The following RCOR1 variants were observed in gnomAD, a reference collection of about 807,000 sequenced individuals.
RCOR1 encodes the protein REST corepressor 1.
A neutral mutation model predicts 64.0 loss-of-function variants in RCOR1; 12 were observed. The observed-to-expected ratio is 0.19, with a 90% CI of 0.12 to 0.30. The LOEUF (loss-of-function observed/expected upper bound fraction) is 0.30. Ranked by LOEUF, RCOR1 falls within the 10% of genes least tolerant of loss-of-function variation. RCOR1 has a pLI of 1.00. For missense variants in RCOR1, 502 were observed against 621.2 expected (o/e 0.81, Z 2.04); for synonymous variants, 279 against 227.2 (o/e 1.23, Z -2.05).
intron 2 of RCOR1, chr14:102,662,648 C>T: frequency 2.2e-6 from 1 of 448,682 alleles, no homozygotes; most frequent in Non-Finnish European, 4.2e-6. Flanking sequence ...GCCTTCACAG[C>T]CTTTGCTTTG....
At chr14:102,655,291 C>A in intron 2 of RCOR1, 1 of 985,032 alleles carries the variant, frequency 1.0e-6, no homozygotes, top group African/African-American at 1.7e-5. Context: ...TTATTTTCTA[C>A]AAGGATTCTG....
chr14:102,606,277 G>A (rs778841216), intron 2 of RCOR1, among the ~76,000 whole-genome samples: 10 of 152,084 alleles, frequency 6.6e-5, no homozygotes, highest in Admixed American at 5.2e-4. Context: ...GGCCAGGCTG[G>A]TCTTGAACTC....
chr14:102,645,915 T>G (rs1457501585), intron 2 of RCOR1, among the ~76,000 whole-genome samples: 5 of 152,210 alleles, frequency 3.3e-5, no homozygotes, highest in Admixed American at 1.3e-4. Context: ...TTGTGCTGCT[T>G]CTTCAGGGCA....
chr14:102,642,481 A>G (rs1894388955), intron 2 of RCOR1, among the ~76,000 whole-genome samples: 1 of 152,142 alleles, frequency 6.6e-6, no homozygotes, highest in Admixed American at 6.6e-5. Context: ...AGGAAGAGAT[A>G]CTCTTTATAA....
At chr14:102,726,327 C>T in intron 11 of RCOR1, 141 bp from the exon 12 acceptor site, 1 of 742,574 alleles carries the variant, frequency 1.3e-6, no homozygotes. Context: ...CCTGTCTCCC[C>T]TCCAAAAAAA....
At chr14:102,603,222 A>C (rs1038077901) in intron 2 of RCOR1, among the ~76,000 whole-genome samples, 6 of 152,016 alleles carry the variant, frequency 3.9e-5, no homozygotes, top group Admixed American at 6.6e-5. Context: ...TTTGGACTAC[A>C]GTTGTTCACC....
chr14:102,710,528 A>G lies in RCOR1; in HGVS notation c.780-407A>G, dbSNP rs1324862383. 4.6e-5 allele frequency among the ~76,000 whole-genome samples: 7 copies of G among 152,316 alleles called. No individual in the cohort carries two copies. In the East Asian group the frequency reaches 9.6e-4, roughly 21 times the overall value. ...TTTACTGTTAGCAGGTTTATTCCCA[A>G]TGCAGTGGAAATTTATTCTCCCATA... On this transcript the variant is annotated intron_variant, in intron 6 of 11. Coordinates refer to ENST00000262241, the MANE Select transcript of RCOR1 (RefSeq NM_015156.4).
intron 3 of RCOR1, among the ~76,000 whole-genome samples, chr14:102,691,591 TAAAA>T (rs1895534017): frequency 6.6e-6 from 1 of 152,236 alleles, no homozygotes; most frequent in Admixed American, 6.5e-5. Context: ...AACTTGTGAT[TAAAA>T]TGAGTCTTTT....
At chr14:102,714,391 A>G in intron 7 of RCOR1, 32 bp from the exon 8 acceptor site, 1 of 1,442,182 alleles carries the variant, frequency 6.9e-7, no homozygotes, top group South Asian at 1.4e-5. Context: ...ACTTTTTTTA[A>G]GTTTCATTCA....
In RCOR1 at chr14:102,678,073, C is replaced by T. The variant is rs1390051835; in HGVS notation, c.362-3822C>T. Among the ~76,000 whole-genome samples the T allele has an allele frequency of 7.2e-3, 1,050 of 145,630 alleles. 4 individuals carry two copies. The highest frequency in any genetic ancestry group is 0.025 in the African/African-American group (972 of 38,930). ...CGAAAACCAGTCAGGCGTGGCGGCG[C>T]GCGCCTGCAATCGCAGGCACTCGGC... On this transcript the variant is annotated intron_variant, in intron 2 of 11. Transcript: ENST00000262241.
intron 8 of RCOR1, among the ~76,000 whole-genome samples, chr14:102,718,777 C>G (rs150953766): frequency 6.6e-6 from 1 of 151,658 alleles, no homozygotes; most frequent in African/African-American, 2.4e-5. Context: ...AGATGTTTGG[C>G]GGGGGGAAGG....
intron 2 of RCOR1, among the ~76,000 whole-genome samples, chr14:102,635,691 A>C (rs890179108): frequency 2.0e-5 from 3 of 152,046 alleles, no homozygotes; most frequent in African/African-American, 7.3e-5. Flanking sequence ...ATTACAACTA[A>C]TCTGCATGGA....
chr14:102,620,197 C>G (rs1893845896), intron 2 of RCOR1, among the ~76,000 whole-genome samples: 1 of 151,944 alleles, frequency 6.6e-6, no homozygotes, highest in African/African-American at 2.4e-5. Context: ...TGAGACCAGC[C>G]TGGGCAAAAT....
rs971624616 is a variant in RCOR1 at position 102,593,012 on chromosome 14, C to A, written c.126C>A (p.Ala42=). The change falls in exon 1 of 12, where the codon GCC becomes GCA. Residue 42 remains alanine (A), a synonymous_variant. Transcript: ENST00000262241. ...AAASAACASP[A]ATAASGAAAS... is the part of the protein sequence containing the mutation. ...CCTCGGCCGCCTGCGCCTCGCCAGC[C>A]GCCACTGCCGCCTCGGGCGCCGCCG... 1.6e-5 allele frequency: 19 copies of A among 1,209,194 alleles called. No individual in the cohort carries two copies. The African/African-American group carries it at 2.6e-4, about 16-fold the overall frequency. The allele number at this position is 1,209,194 out of a possible 1,614,324, so 74.9% of individuals were successfully genotyped here.
chr14:102,661,654 G>A (rs183338340), intron 2 of RCOR1, among the ~76,000 whole-genome samples: 46 of 152,304 alleles, frequency 3.0e-4, no homozygotes, highest in African/African-American at 8.4e-4. Context: ...TTCCTTCAGC[G>A]CAGGACGGGC....
At chr14:102,615,196 G>C (rs1329268852) in intron 2 of RCOR1, among the ~76,000 whole-genome samples, 1 of 130,296 alleles carries the variant, frequency 7.7e-6, no homozygotes, top group Non-Finnish European at 1.5e-5. Flanking sequence ...CAGTGTTAAC[G>C]ATCTTGGCTC....
Position 102,730,001 on chromosome 14 carries a change from C to A in RCOR1, c.*3495C>A. ...CCTGTGCGATGCTCTTTCTGCCAGT[C>A]CCTGAATCTCTGCAGCTTCTCTTAC... On this transcript the variant is annotated 3_prime_UTR_variant, in exon 12 of 12. Coordinates refer to ENST00000262241, the MANE Select transcript of RCOR1 (RefSeq NM_015156.4). 1 of 399,072 alleles carries A rather than the reference C, an allele frequency of 2.5e-6. No homozygotes were observed. Among genetic ancestry groups the A allele is most frequent in the South Asian group, 1.3e-4 (1 of 7,856 alleles). The allele number at this position is 399,072 out of a possible 1,614,324, so 24.7% of individuals were successfully genotyped here.
chr14:102,657,804 C>G (rs1894755503), intron 2 of RCOR1: 1 of 892,914 alleles, frequency 1.1e-6, no homozygotes, highest in African/African-American at 2.0e-5. Flanking sequence ...CTCCATTGCA[C>G]TCCAGCCTGG....
At chr14:102,680,659 G>T (rs1895284311) in intron 2 of RCOR1, among the ~76,000 whole-genome samples, 1 of 152,098 alleles carries the variant, frequency 6.6e-6, no homozygotes, top group East Asian at 1.9e-4. Context: ...TAAAAAATTA[G>T]CTGGGTGTGG....
Sources: allele counts gnomAD v4.1 joint callset (sites outside exome capture counted in the v4.1 genomes callset), GRCh38; gene constraint gnomAD v4.1.1; transcripts MANE v1.5; gene names NCBI Gene and HGNC (gene_info 2026-07-23, HGNC 2026-07-21).